RNFT2: variants seen among roughly 807,000 people sequenced by gnomAD.
The protein encoded by RNFT2 is ring finger protein, transmembrane 2, also known as E3 ubiquitin-protein ligase RNFT2.
Under a neutral mutation model 53.0 loss-of-function variants are expected in RNFT2, and 36 were observed. The observed-to-expected ratio is 0.68, with a 90% CI of 0.52 to 0.90. The LOEUF (loss-of-function observed/expected upper bound fraction) is 0.90. RNFT2 is among the 40% of genes least tolerant of loss of function. The pLI, the probability that RNFT2 is intolerant of heterozygous loss-of-function variation, is 0.00. For synonymous variants in RNFT2, 260 were observed against 253.2 expected (o/e 1.03, Z -0.26); for missense variants, 514 against 585.6 (o/e 0.88, Z 1.26).
At chr12:116,766,117 A>T (rs191021606) in intron 5 of RNFT2, among the ~76,000 whole-genome samples, 1 of 124,110 alleles carries the variant, frequency 8.1e-6, no homozygotes, top group African/African-American at 4.5e-5. Context: ...AAAAAAAAAT[A>T]AAAATTTTTT....
chr12:116,775,278 A>AAAG (rs1555260975), intron 6 of RNFT2, among the ~76,000 whole-genome samples: 1 of 144,756 alleles, frequency 6.9e-6, no homozygotes, highest in African/African-American at 2.7e-5. Context: ...AAAAAAAAAA[A>AAAG]AGAGAGAGAG....
intron 7 of RNFT2, 67 bp from the exon 8 acceptor site, chr12:116,833,725 G>T: frequency 6.3e-7 from 1 of 1,575,424 alleles, no homozygotes; most frequent in Non-Finnish European, 8.7e-7. Flanking sequence ...CGGGGCGGGG[G>T]GCCCCCCAGC....
rs542259277 is a variant in RNFT2 at position 116,851,460 on chromosome 12, C to T, written c.*2012C>T. ...GGTCTTCTAAAAGCACACGAGAGGC[C>T]GGGTGTGGTGGCCCATGCCTGTAGT... On this transcript the variant is annotated 3_prime_UTR_variant, in exon 11 of 11. Coordinates refer to ENST00000257575, the MANE Select transcript of RNFT2 (RefSeq NM_001382266.1). 9.6e-6 allele frequency: 4 copies of T among 416,496 alleles called. No individual in the cohort carries two copies. The highest frequency in any genetic ancestry group is 9.9e-5 in the East Asian group (2 of 20,282). 25.8% of individuals were successfully genotyped at this position (416,496 alleles called of 1,614,324 possible).
At position 116,754,132 on chromosome 12, in the gene RNFT2, C is replaced by T. The variant is rs1404124483; in HGVS notation, c.627+72C>T. Reference sequence around the variant, plus strand: ...AGCCACAAGCCAGGCACAGTCTTCCCGGCAAGTCTCCAGAGTTCATTGTAT... The same window carrying T: ...AGCCACAAGCCAGGCACAGTCTTCCTGGCAAGTCTCCAGAGTTCATTGTAT... On this transcript the variant is annotated intron_variant, in intron 5 of 10. Transcript: ENST00000257575. 39 of 1,234,792 alleles carry T rather than the reference C, an allele frequency of 3.2e-5. No homozygotes were observed. The East Asian group carries it at 5.6e-4, about 18-fold the overall frequency. 76.5% of individuals were successfully genotyped at this position (1,234,792 alleles called of 1,614,324 possible).
intron 5 of RNFT2, among the ~76,000 whole-genome samples, chr12:116,762,953 G>C (rs530149850): frequency 6.6e-6 from 1 of 152,108 alleles, no homozygotes; most frequent in East Asian, 2.0e-4. Context: ...GTGGGGGCAT[G>C]TGCCTGTCAT....
intron 5 of RNFT2, among the ~76,000 whole-genome samples, chr12:116,761,565 C>G (rs1366871812): frequency 2.0e-5 from 3 of 152,234 alleles, no homozygotes; most frequent in Non-Finnish European, 4.4e-5. Flanking sequence ...TGAGCACTAA[C>G]TGCGTGCCCG....
intron 10 of RNFT2, among the ~76,000 whole-genome samples, chr12:116,840,663 C>T (rs1592990510): frequency 6.6e-6 from 1 of 152,312 alleles, no homozygotes; most frequent in Non-Finnish European, 1.5e-5. Flanking sequence ...ATATCCTAGG[C>T]ACTAACTCTG....
chr12:116,829,138 G>A (rs910837440), intron 7 of RNFT2, among the ~76,000 whole-genome samples: 32 of 152,298 alleles, frequency 2.1e-4, no homozygotes, highest in African/African-American at 7.5e-4. Context: ...GAGGCATGGG[G>A]CAGCTGAGGG....
intron 10 of RNFT2, among the ~76,000 whole-genome samples, chr12:116,840,262 A>C (rs1877185242): frequency 6.6e-6 from 1 of 152,222 alleles, no homozygotes; most frequent in South Asian, 2.1e-4. Context: ...ATCTGTCCCC[A>C]TCTTCACAGA....
At chr12:116,793,237 G>A (rs573761576) in intron 7 of RNFT2, among the ~76,000 whole-genome samples, 151 of 147,358 alleles carry the variant, frequency 1.0e-3, no homozygotes, top group Middle Eastern at 3.4e-3. Flanking sequence ...TTTGAGGCAG[G>A]GTTTCATTGT....
intron 7 of RNFT2, among the ~76,000 whole-genome samples, chr12:116,824,768 A>G (rs957225564): frequency 1.3e-5 from 2 of 152,288 alleles, no homozygotes; most frequent in Admixed American, 1.3e-4. Context: ...AAGGGAACCA[A>G]TCCCATCATG....
At chr12:116,741,950 A>G (rs571077102) in intron 3 of RNFT2, among the ~76,000 whole-genome samples, 20 of 151,278 alleles carry the variant, frequency 1.3e-4, no homozygotes, top group Non-Finnish European at 2.8e-4. Context: ...TGCACCTGGC[A>G]TGGGTTAGGT....
chr12:116,777,792 G>A (rs569954653), intron 6 of RNFT2, among the ~76,000 whole-genome samples: 1 of 152,164 alleles, frequency 6.6e-6, no homozygotes, highest in Non-Finnish European at 1.5e-5. Context: ...TGAGAACCCT[G>A]AGGCTTCCAG....
intron 6 of RNFT2, among the ~76,000 whole-genome samples, chr12:116,778,962 C>CA (rs1179502021): frequency 2.6e-5 from 4 of 152,244 alleles, no homozygotes; most frequent in African/African-American, 9.6e-5. Flanking sequence ...AATGAAACTC[C>CA]AGGCCAATAT....
chr12:116,801,846 G>A (rs1874812234), intron 7 of RNFT2, among the ~76,000 whole-genome samples: 1 of 151,790 alleles, frequency 6.6e-6, no homozygotes, highest in African/African-American at 2.4e-5. Context: ...TTTTGAGACA[G>A]AGTCTCACTC....
intron 7 of RNFT2, among the ~76,000 whole-genome samples, chr12:116,814,729 T>C (rs1875558992): frequency 6.6e-6 from 1 of 151,370 alleles, no homozygotes; most frequent in Non-Finnish European, 1.5e-5. Context: ...ACTGCTGGAG[T>C]GTGCAGTGGT....
chr12:116,797,735 ACTC>A (rs80122818), intron 7 of RNFT2, among the ~76,000 whole-genome samples: 13,980 of 152,086 alleles, frequency 0.092, 790 homozygotes, highest in East Asian at 0.2. Context: ...CACCGTGACT[ACTC>A]CTGCAGAGCA....
Position 116,760,652 on chromosome 12 carries a change from TC to T in RNFT2, c.628-6159del, listed in dbSNP as rs1490701515. On this transcript the variant is annotated intron_variant, in intron 5 of 10. Transcript: ENST00000257575. ...TGTTCGGGAGAGGAGGGTCTCCCTT[TC>T]CCACTTCCGCAGTTGGGGCATTCGC... 2.0e-5 allele frequency among the ~76,000 whole-genome samples: 3 copies of T among 152,270 alleles called. No individual in the cohort carries two copies. The East Asian group carries it at 5.8e-4, about 29-fold the overall frequency.
At chr12:116,741,607 C>T (rs1245144948) in intron 3 of RNFT2, among the ~76,000 whole-genome samples, 1 of 152,176 alleles carries the variant, frequency 6.6e-6, no homozygotes, top group East Asian at 1.9e-4. Context: ...CATCTCATCA[C>T]CTAATCATTC....
Sources: gnomAD v4.1 joint callset for allele counts (sites outside exome capture counted in the v4.1 genomes callset) on GRCh38, gnomAD v4.1.1 for gene constraint, MANE v1.5 for transcripts, NCBI Gene and HGNC (gene_info 2026-07-23, HGNC 2026-07-21) for gene names.